Variants in ERBB4 observed in about 807,000 individuals in gnomAD.
ERBB4 encodes the protein erb-b2 receptor tyrosine kinase 4, also known as receptor tyrosine-protein kinase erbB-4.
A neutral mutation model predicts 158.0 loss-of-function variants in ERBB4; 42 were observed. That is an observed-to-expected ratio of 0.27 (90% CI 0.21 to 0.34). The LOEUF (loss-of-function observed/expected upper bound fraction) is 0.34. ERBB4 is among the 10% of genes least tolerant of loss of function. ERBB4 has a pLI of 1.00. For missense variants in ERBB4, 1,333 were observed against 1,624.1 expected (o/e 0.82, Z 3.08); for synonymous variants, 583 against 558.7 (o/e 1.04, Z -0.61).
intron 19 of ERBB4, among the ~76,000 whole-genome samples, chr2:211,608,740 C>T (rs2069079750): frequency 6.6e-6 from 1 of 152,008 alleles, no homozygotes; most frequent in South Asian, 2.1e-4. Context: ...AAATTATTTT[C>T]CACTATACTC....
At chr2:212,026,970 G>C (rs1223698141) in intron 2 of ERBB4, among the ~76,000 whole-genome samples, 2 of 151,726 alleles carry the variant, frequency 1.3e-5, no homozygotes, top group Non-Finnish European at 2.9e-5. Flanking sequence ...ATAATATTTA[G>C]TTGATACTAA....
chr2:212,151,628 C>T (rs2080873123), intron 1 of ERBB4, among the ~76,000 whole-genome samples: 1 of 152,010 alleles, frequency 6.6e-6, no homozygotes. Context: ...GTGGCTCGCG[C>T]CTGTAATCCC....
chr2:211,451,993 G>A (rs1033608739), intron 20 of ERBB4, among the ~76,000 whole-genome samples: 6 of 87,150 alleles, frequency 6.9e-5, no homozygotes, highest in East Asian at 2.8e-4. Context: ...ATTTCACTGC[G>A]AGTAGAAATT....
intron 5 of ERBB4, among the ~76,000 whole-genome samples, chr2:211,726,438 C>T (rs1427605153): frequency 6.6e-6 from 1 of 152,114 alleles, no homozygotes; most frequent in African/African-American, 2.4e-5. Context: ...AACTCTTCTT[C>T]CCACACCCAC....
At chr2:212,305,300 G>T (rs1406434510) in intron 1 of ERBB4, among the ~76,000 whole-genome samples, 1 of 151,230 alleles carries the variant, frequency 6.6e-6, no homozygotes, top group Non-Finnish European at 1.5e-5. Flanking sequence ...GTTTAGTGAG[G>T]ACGTACTCTA....
At position 211,492,988 on chromosome 2, in the gene ERBB4, T is replaced by C. The variant is rs1296075188; in HGVS notation, c.2488-61888A>G. Reference sequence around the variant, plus strand: ...CCAGGCTGCCTGATAATAGGTTTTATAAATTAACAATTGGCACTCAGGTTT... The same window carrying C: ...CCAGGCTGCCTGATAATAGGTTTTACAAATTAACAATTGGCACTCAGGTTT... On this transcript the variant is annotated intron_variant, in intron 20 of 27. Transcript: ENST00000342788. Among the ~76,000 whole-genome samples, 3 of 152,130 alleles carry C rather than the reference T, an allele frequency of 2.0e-5. No homozygotes were observed. In the East Asian group the frequency reaches 5.8e-4, roughly 29 times the overall value.
At chr2:211,791,738 A>G (rs1450058493) in intron 3 of ERBB4, among the ~76,000 whole-genome samples, 1 of 151,850 alleles carries the variant, frequency 6.6e-6, no homozygotes, top group Admixed American at 6.6e-5. Context: ...AATAAATGTC[A>G]TGGTTAAATA....
chr2:212,126,558 T>G (rs926145688), intron 1 of ERBB4, among the ~76,000 whole-genome samples: 2 of 151,930 alleles, frequency 1.3e-5, no homozygotes, highest in African/African-American at 4.8e-5. Context: ...GAACACAATC[T>G]TCACCACTTA....
chr2:211,955,228 T>C (rs1392590975), intron 2 of ERBB4, among the ~76,000 whole-genome samples: 1 of 152,042 alleles, frequency 6.6e-6, no homozygotes, highest in Non-Finnish European at 1.5e-5. Flanking sequence ...TGCTATGAGT[T>C]CTACTTTCTA....
intron 2 of ERBB4, among the ~76,000 whole-genome samples, chr2:211,994,229 C>T (rs2082144158): frequency 6.6e-6 from 1 of 152,008 alleles, no homozygotes; most frequent in Non-Finnish European, 1.5e-5. Flanking sequence ...CTCCTGGGCT[C>T]AAGCAGTCCT....
rs567039852 is a variant in ERBB4, at chr2:212,363,804, A to C, written c.82+174645T>G. On this transcript the variant is annotated intron_variant, in intron 1 of 27. Coordinates refer to ENST00000342788, the MANE Select transcript of ERBB4 (RefSeq NM_005235.3). Reference sequence around the variant, plus strand: ...TAGTGTGACAACTAAACCAGCCTCTATACATGATTATATATACATTTACAA... The same window carrying C: ...TAGTGTGACAACTAAACCAGCCTCTCTACATGATTATATATACATTTACAA... 4.6e-5 allele frequency among the ~76,000 whole-genome samples: 7 copies of C among 151,840 alleles called. No individual in the cohort carries two copies. In the South Asian group the frequency reaches 1.5e-3, roughly 31 times the overall value.
At chr2:211,467,243 T>C (rs1251354050) in intron 20 of ERBB4, among the ~76,000 whole-genome samples, 1 of 152,152 alleles carries the variant, frequency 6.6e-6, no homozygotes, top group Non-Finnish European at 1.5e-5. Flanking sequence ...TGAGCGTTAA[T>C]CGGAAAGCAA....
intron 2 of ERBB4, among the ~76,000 whole-genome samples, chr2:211,957,623 T>G (rs563032379): frequency 2.0e-4 from 31 of 152,124 alleles, no homozygotes; most frequent in Non-Finnish European, 3.4e-4. Flanking sequence ...CTAGGATTAT[T>G]TTGAGAAGTG....
chr2:211,678,898 C>A (rs925609541), intron 13 of ERBB4, among the ~76,000 whole-genome samples, 154 bp downstream of exon 13: 1 of 131,276 alleles, frequency 7.6e-6, no homozygotes, highest in African/African-American at 2.8e-5. Context: ...ACCCAGGAGG[C>A]GGAGCTTGCA....
chr2:211,505,243 C>T (rs891830178), intron 20 of ERBB4, among the ~76,000 whole-genome samples: 58 of 151,944 alleles, frequency 3.8e-4, no homozygotes, highest in African/African-American at 1.3e-3. Flanking sequence ...CTCAGACTAA[C>T]AACAAATTTC....
At chr2:212,283,776 T>C (rs553035225) in intron 1 of ERBB4, among the ~76,000 whole-genome samples, 1 of 152,116 alleles carries the variant, frequency 6.6e-6, no homozygotes, top group Admixed American at 6.6e-5. Flanking sequence ...ATGGCTCAGG[T>C]GAAAAATAGT....
chr2:212,103,810 G>A (rs1445946317), intron 2 of ERBB4, among the ~76,000 whole-genome samples: 9 of 151,646 alleles, frequency 5.9e-5, no homozygotes, highest in Admixed American at 5.9e-4. Flanking sequence ...ATTTAAAAGA[G>A]AAACATTCTG....
intron 19 of ERBB4, among the ~76,000 whole-genome samples, chr2:211,588,193 A>T (rs2068346112): frequency 6.6e-6 from 1 of 152,176 alleles, no homozygotes; most frequent in Non-Finnish European, 1.5e-5. Flanking sequence ...ATTTTTAAAA[A>T]TTGGAAGAAT....
intron 3 of ERBB4, among the ~76,000 whole-genome samples, chr2:211,938,902 A>G (rs1005648281): frequency 6.6e-6 from 1 of 152,192 alleles, no homozygotes; most frequent in South Asian, 2.1e-4. Flanking sequence ...AATTAAGTCT[A>G]TTAATAAATG....
Sources: gnomAD v4.1 joint callset for allele counts (sites outside exome capture counted in the v4.1 genomes callset) on GRCh38, gnomAD v4.1.1 for gene constraint, MANE v1.5 for transcripts, NCBI Gene and HGNC (gene_info 2026-07-23, HGNC 2026-07-21) for gene names.